The following CAMKMT variants were observed in gnomAD, a reference collection of about 807,000 sequenced individuals.
CAMKMT encodes calmodulin-lysine N-methyltransferase.
A neutral mutation model predicts 48.0 loss-of-function variants in CAMKMT; 53 were observed. That is an observed-to-expected ratio of 1.10 (90% CI 0.89 to 1.39). The LOEUF is 1.39. Ranked by LOEUF, CAMKMT falls within the 40% of genes most tolerant of loss-of-function variation. The pLI is 0.00. For synonymous variants in CAMKMT, 165 were observed against 152.3 expected (o/e 1.08, Z -0.61); for missense variants, 428 against 402.7 (o/e 1.06, Z -0.54).
chr2:44,665,812 C>T (rs966323627), intron 3 of CAMKMT, among the ~76,000 whole-genome samples: 15 of 152,118 alleles, frequency 9.9e-5, no homozygotes, highest in African/African-American at 3.6e-4. Flanking sequence ...GATTTGGGGT[C>T]CATACATCAA....
intron 3 of CAMKMT, among the ~76,000 whole-genome samples, chr2:44,528,946 A>G (rs1245375556): frequency 6.6e-6 from 1 of 151,528 alleles, no homozygotes; most frequent in Non-Finnish European, 1.5e-5. Flanking sequence ...CTGTTTGTCT[A>G]TTTTATGATG....
chr2:44,456,712 T>C, intron 3 of CAMKMT: 1 of 1,044,072 alleles, frequency 9.6e-7, no homozygotes, highest in Non-Finnish European at 1.4e-6. Context: ...GTCTTCATGA[T>C]CTTCATTACA....
chr2:44,756,603 G>A lies in CAMKMT; in HGVS notation c.762+2485G>A, dbSNP rs192845885. ...GAAAATACAAAAAAATTAGCCAGGC[G>A]TGGTGGCGGGCGCCTGTAGTCCCAG... On this transcript the variant is annotated intron_variant, in intron 9 of 10. Transcript: ENST00000378494. Among the ~76,000 whole-genome samples, 21 of 152,040 alleles carry A rather than the reference G, an allele frequency of 1.4e-4. No homozygotes were observed. The East Asian group carries it at 2.1e-3, about 15-fold the overall frequency.
rs957021718 is a variant in CAMKMT, at chr2:44,405,864, C to T, written c.376+15559C>T. ...TCTGATTCTATTCCCAAACTTCTAA[C>T]AGAAATTGCTGGGTAATAATTAGAA... On this transcript the variant is annotated intron_variant, in intron 3 of 10. Coordinates refer to ENST00000378494, the MANE Select transcript of CAMKMT (RefSeq NM_024766.5). Among the ~76,000 whole-genome samples, 17 of 152,252 alleles carry T rather than the reference C, an allele frequency of 1.1e-4. No homozygotes were observed. The South Asian group carries it at 3.3e-3, about 30-fold the overall frequency.
intron 7 of CAMKMT, among the ~76,000 whole-genome samples, chr2:44,730,710 T>C (rs748516711): frequency 6.6e-6 from 1 of 152,110 alleles, no homozygotes; most frequent in Non-Finnish European, 1.5e-5. Flanking sequence ...AAGTGGCAAA[T>C]AGGAAATCAT....
intron 3 of CAMKMT, among the ~76,000 whole-genome samples, chr2:44,416,062 A>T (rs187264568): frequency 1.3e-5 from 2 of 152,314 alleles, no homozygotes; most frequent in Admixed American, 6.5e-5. Context: ...CAGTTAACTA[A>T]ATGCTTCATC....
At chr2:44,563,505 G>C (rs1668439165) in intron 3 of CAMKMT, among the ~76,000 whole-genome samples, 1 of 149,698 alleles carries the variant, frequency 6.7e-6, no homozygotes, top group Non-Finnish European at 1.5e-5. Context: ...TTAAGTTCTA[G>C]GGTACATGTG....
intron 3 of CAMKMT, among the ~76,000 whole-genome samples, chr2:44,486,051 GT>G (rs1465048933): frequency 1.3e-5 from 2 of 152,114 alleles, no homozygotes; most frequent in African/African-American, 2.4e-5. Flanking sequence ...TGCAACCTCT[GT>G]CCCCTGGGTT....
At chr2:44,441,107 ATTTTTTTCTCAC>A (rs1666629912) in intron 3 of CAMKMT, among the ~76,000 whole-genome samples, 1 of 151,782 alleles carries the variant, frequency 6.6e-6, no homozygotes, top group Non-Finnish European at 1.5e-5. Context: ...TTCCTTAACA[ATTTTTTTCTCAC>A]TTATTTGGTG....
chr2:44,406,691 G>T (rs1045072980), intron 3 of CAMKMT, among the ~76,000 whole-genome samples: 2 of 152,134 alleles, frequency 1.3e-5, no homozygotes, highest in African/African-American at 2.4e-5. Flanking sequence ...CAACTTCCTG[G>T]ACCCAGGTGA....
chr2:44,685,210 G>A (rs149773687), intron 3 of CAMKMT, among the ~76,000 whole-genome samples: 2 of 152,202 alleles, frequency 1.3e-5, no homozygotes, highest in East Asian at 3.9e-4. Flanking sequence ...ATTGATTTTT[G>A]CTTTTTAAAA....
intron 3 of CAMKMT, among the ~76,000 whole-genome samples, chr2:44,608,070 C>CTTT (rs10587945): frequency 3.6e-5 from 4 of 111,942 alleles, no homozygotes; most frequent in Admixed American, 1.1e-4. Flanking sequence ...ATATATTTTC[C>CTTT]TTTTTTTTTT....
chr2:44,445,055 G>T (rs1047153130), intron 3 of CAMKMT, among the ~76,000 whole-genome samples: 14 of 152,200 alleles, frequency 9.2e-5, no homozygotes, highest in Non-Finnish European at 1.6e-4. Context: ...GGTGAGCATG[G>T]CTAGTTTCTG....
intron 3 of CAMKMT, among the ~76,000 whole-genome samples, chr2:44,501,544 T>C (rs370839574): frequency 2.0e-5 from 3 of 152,172 alleles, no homozygotes; most frequent in Non-Finnish European, 4.4e-5. Context: ...TCCTAACTCA[T>C]TGGGAGGCTG....
intron 3 of CAMKMT, among the ~76,000 whole-genome samples, chr2:44,565,800 A>G (rs773930170): frequency 1.3e-5 from 2 of 152,188 alleles, no homozygotes; most frequent in African/African-American, 2.4e-5. Context: ...CAAGTGATCA[A>G]TTACTGGGCA....
intron 3 of CAMKMT, among the ~76,000 whole-genome samples, chr2:44,464,545 C>T (rs1345703142): frequency 6.6e-6 from 1 of 152,148 alleles, no homozygotes. Context: ...ACATTATAAA[C>T]TGTCGAATGT....
At chr2:44,444,415 C>A (rs1378518204) in intron 3 of CAMKMT, among the ~76,000 whole-genome samples, 1 of 152,028 alleles carries the variant, frequency 6.6e-6, no homozygotes, top group Admixed American at 6.6e-5. Flanking sequence ...ATAGGCATAC[C>A]TTTTATGTTT....
chr2:44,417,641 C>T (rs1008974344), intron 3 of CAMKMT, among the ~76,000 whole-genome samples: 1 of 152,102 alleles, frequency 6.6e-6, no homozygotes, highest in Non-Finnish European at 1.5e-5. Flanking sequence ...AAACTGTTTT[C>T]CCAAGTGGTT....
intron 3 of CAMKMT, among the ~76,000 whole-genome samples, chr2:44,452,721 G>T (rs79676786): frequency 6.6e-6 from 1 of 151,926 alleles, no homozygotes; most frequent in Non-Finnish European, 1.5e-5. Flanking sequence ...ACATGAGTGT[G>T]CAAGTAGCCT....
Sources: allele counts gnomAD v4.1 joint callset (sites outside exome capture counted in the v4.1 genomes callset), GRCh38; gene constraint gnomAD v4.1.1; transcripts MANE v1.5; gene names NCBI Gene and HGNC (gene_info 2026-07-23, HGNC 2026-07-21).